BCAS3: variants seen among roughly 807,000 people sequenced by gnomAD.
BCAS3 encodes the protein BCAS4/BCAS3 fusion.
In BCAS3, 53 loss-of-function variants were observed where a neutral mutation model predicts 116.1. The observed-to-expected ratio is 0.46, with a 90% confidence interval of 0.37 to 0.57. BCAS3 has a LOEUF of 0.57. Ranked by LOEUF, BCAS3 falls within the 20% of genes least tolerant of loss-of-function variation. BCAS3 has a pLI of 0.00. For missense variants in BCAS3, 917 were observed against 1,165.4 expected, an observed-to-expected ratio of 0.79 and a Z score of 3.10; for synonymous variants, 391 against 408.2, an observed-to-expected ratio of 0.96 and a Z score of 0.51.
rs571967235 is a variant in BCAS3 at position 61,233,030 on chromosome 17, C to A, written c.2426-135297C>A. ...TGTTTTGGGCCTCCATGAAGTCATT[C>A]CTTTGCAGTGATCTGTAGCTAGACT... On this transcript the variant is annotated intron_variant, in intron 22 of 23. Coordinates refer to ENST00000407086, the MANE Select transcript of BCAS3 (RefSeq NM_017679.5). This position sits in a 1 kb window ranked among gnomAD's most constrained non-coding sequence, Gnocchi z 4.3. Among the ~76,000 whole-genome samples, 47 of 152,286 alleles carry A rather than the reference C, an allele frequency of 3.1e-4. No individual in the cohort carries two copies. Among genetic ancestry groups the A allele is most frequent in the Non-Finnish European group, 5.9e-4 (40 of 68,026 alleles).
chr17:61,195,620 G>A (rs940639415), intron 22 of BCAS3, among the ~76,000 whole-genome samples: 2 of 149,834 alleles, frequency 1.3e-5, no homozygotes, highest in African/African-American at 2.5e-5. Flanking sequence ...CAAGTGATCC[G>A]CCCACCTTGG....
At chr17:60,947,445 A>G in intron 14 of BCAS3, 93 bp downstream of exon 14, 2 of 1,310,852 alleles carry the variant, frequency 1.5e-6, no homozygotes, top group Non-Finnish European at 2.1e-6. Context: ...CTTAATGTTG[A>G]TGTTTGTGAG....
At chr17:60,858,109 A>T (rs1292046221) in intron 7 of BCAS3, among the ~76,000 whole-genome samples, 1 of 152,108 alleles carries the variant, frequency 6.6e-6, no homozygotes, top group Non-Finnish European at 1.5e-5. Flanking sequence ...TTATTAACTC[A>T]TTCCTTATCA....
rs74471796 is a variant in BCAS3, at chr17:60,943,832, T to C, written c.1088-3387T>C. On this transcript the variant is annotated intron_variant, in intron 13 of 23. Transcript: ENST00000407086. ...ATGAAATTATACTGGCAATAATATC[T>C]GAAAGATATCTGGAAAATATCCAAA... 2.0e-5 allele frequency among the ~76,000 whole-genome samples: 3 copies of C among 152,230 alleles called. No individual in the cohort carries two copies. The East Asian group carries it at 5.8e-4, about 29-fold the overall frequency.
rs2081302878 is a variant in BCAS3 at position 61,208,980 on chromosome 17, T to G, written c.2425+124416T>G. Among the ~76,000 whole-genome samples the G allele has an allele frequency of 2.0e-5, 3 of 150,744 alleles. No individual in the cohort carries two copies. The highest frequency in any genetic ancestry group is 2.9e-5 in the Non-Finnish European group (2 of 68,018). On this transcript the variant is annotated intron_variant, in intron 22 of 23. Transcript: ENST00000407086. The surrounding 1 kb of genome is among the most constrained non-coding windows in gnomAD (Gnocchi z 4.5). ...AAGACACTCAGAATTATACCTCTGG[T>G]TGGTTCAAAATTGCTTAAATGTTGA...
chr17:61,302,813 G>A lies in BCAS3; in HGVS notation c.2426-65514G>A, dbSNP rs1359449499. On this transcript the variant is annotated intron_variant, in intron 22 of 23. Coordinates refer to ENST00000407086, the MANE Select transcript of BCAS3 (RefSeq NM_017679.5). The surrounding 1 kb of genome is among the most constrained non-coding windows in gnomAD (Gnocchi z 4.4). ...CAGTAGTTCAGACTTTGTAGAGAAA[G>A]GCAGTGAGACGGAACAGTTCTGGCC... 2.0e-5 allele frequency among the ~76,000 whole-genome samples: 3 copies of A among 152,180 alleles called. No individual in the cohort carries two copies. The highest frequency in any genetic ancestry group is 4.8e-5 in the African/African-American group (2 of 41,442).
intron 19 of BCAS3, chr17:61,070,247 C>T (rs1036355173): frequency 9.2e-6 from 14 of 1,514,864 alleles, no homozygotes; most frequent in Non-Finnish European, 1.3e-5. Flanking sequence ...AAGGTCAACA[C>T]CCTGATTTGG....
intron 13 of BCAS3, among the ~76,000 whole-genome samples, chr17:60,933,312 T>G (rs2059759025): frequency 6.6e-6 from 1 of 152,260 alleles, no homozygotes; most frequent in South Asian, 2.1e-4. Flanking sequence ...TCCTCAATTC[T>G]GTGCAATAAG....
Position 61,392,356 on chromosome 17 carries a change from C to G in BCAS3, c.*231C>G, listed in dbSNP as rs2060175940. 2.1e-6 allele frequency: 1 copy of G among 484,502 alleles called. No homozygotes were observed. 30.0% of individuals were successfully genotyped at this position (484,502 alleles called of 1,614,324 possible). On this transcript the variant is annotated 3_prime_UTR_variant, in exon 24 of 24. Coordinates refer to ENST00000407086, the MANE Select transcript of BCAS3 (RefSeq NM_017679.5). This position sits in a 1 kb window ranked among gnomAD's most constrained non-coding sequence, Gnocchi z 6.4. ...CGGTGGAGGCTGTGGCCAGGAGAGA[C>G]TGTAGAAGCTCGGTCCCTGTGTATG... is the stretch of plus-strand genomic sequence containing the variant.
At position 61,104,170 on chromosome 17, in the gene BCAS3, A is replaced by G. The variant is rs7224444; in HGVS notation, c.2425+19606A>G. On this transcript the variant is annotated intron_variant, in intron 22 of 23. Coordinates refer to ENST00000407086, the MANE Select transcript of BCAS3 (RefSeq NM_017679.5). This position sits in a 1 kb window ranked among gnomAD's most constrained non-coding sequence, Gnocchi z 4.1. Reference sequence around the variant, plus strand: ...GGAAAGTTTTGTCTTTTCTGTAAAAATTCCAGGAGTTGGGTGGGCTTGATG... The same window carrying G: ...GGAAAGTTTTGTCTTTTCTGTAAAAGTTCCAGGAGTTGGGTGGGCTTGATG... 0.96 allele frequency among the ~76,000 whole-genome samples: 145,737 copies of G among 152,268 alleles called. 70,087 individuals carry two copies. The highest frequency in any genetic ancestry group is 1 in the East Asian group (5,184 of 5,184).
intron 7 of BCAS3, among the ~76,000 whole-genome samples, chr17:60,818,942 G>A (rs756550125): frequency 6.6e-6 from 1 of 152,082 alleles, no homozygotes; most frequent in Non-Finnish European, 1.5e-5. Flanking sequence ...CTGGGCTTTA[G>A]TATTAACTTA....
Position 61,271,094 on chromosome 17 carries a change from A to G in BCAS3, c.2426-97233A>G, listed in dbSNP as rs145847061. On this transcript the variant is annotated intron_variant, in intron 22 of 23. Coordinates refer to ENST00000407086, the MANE Select transcript of BCAS3 (RefSeq NM_017679.5). ...TTAACACATTTTCAGTTTTTTGTAC[A>G]TGGTGTAAGGGAAGGATCCAACTTT... Among the ~76,000 whole-genome samples, 640 of 141,150 alleles carry G rather than the reference A, an allele frequency of 4.5e-3. 8 individuals carry two copies. Among genetic ancestry groups the G allele is most frequent in the African/African-American group, 0.016 (595 of 38,368 alleles). 92.6% of individuals were successfully genotyped at this position (141,150 alleles called of 152,430 possible).
intron 7 of BCAS3, among the ~76,000 whole-genome samples, chr17:60,813,804 A>C (rs2049068936): frequency 6.6e-6 from 1 of 152,024 alleles, no homozygotes; most frequent in African/African-American, 2.4e-5. Context: ...ATTGCTTGTC[A>C]TTGTCGACTT....
At chr17:60,826,806 A>C (rs1053147238) in intron 7 of BCAS3, among the ~76,000 whole-genome samples, 3 of 152,236 alleles carry the variant, frequency 2.0e-5, no homozygotes, top group Admixed American at 2.0e-4. Flanking sequence ...GATCACCAGA[A>C]GATAGTAGTC....
intron 10 of BCAS3, among the ~76,000 whole-genome samples, chr17:60,901,226 A>G (rs573765150): frequency 1.3e-5 from 2 of 151,674 alleles, no homozygotes; most frequent in Admixed American, 6.6e-5. Flanking sequence ...AAAAAAAAAA[A>G]GAAAGGTAAG....
At chr17:61,318,962 G>T (rs1439597667) in intron 22 of BCAS3, among the ~76,000 whole-genome samples, 1 of 152,178 alleles carries the variant, frequency 6.6e-6, no homozygotes, top group Non-Finnish European at 1.5e-5. Context: ...GAAACTTGGG[G>T]TTTGACCTGG....
intron 13 of BCAS3, among the ~76,000 whole-genome samples, chr17:60,928,340 A>C (rs1331657610): frequency 1.3e-5 from 2 of 152,202 alleles, no homozygotes; most frequent in African/African-American, 4.8e-5. Flanking sequence ...CTGGCACCAT[A>C]AATATTATTT....
At chr17:60,974,374 T>G (rs1167524611) in intron 14 of BCAS3, among the ~76,000 whole-genome samples, 1 of 152,216 alleles carries the variant, frequency 6.6e-6, no homozygotes, top group East Asian at 1.9e-4. Flanking sequence ...TTTTAAGTTT[T>G]GATAAAATGT....
intron 22 of BCAS3, chr17:61,086,790 A>G (rs113364439): frequency 1.0e-6 from 1 of 985,310 alleles, no homozygotes; most frequent in Non-Finnish European, 1.2e-6. Flanking sequence ...TTTGAGCTAA[A>G]GAAGCCTCAT....
Sources: allele counts gnomAD v4.1 joint callset (sites outside exome capture counted in the v4.1 genomes callset), GRCh38; gene constraint gnomAD v4.1.1; non-coding constraint Gnocchi (gnomAD v3.1); transcripts MANE v1.5; gene names NCBI Gene and HGNC (gene_info 2026-07-23, HGNC 2026-07-21).